Variants in FAT4 observed in about 807,000 individuals in gnomAD.
FAT4 encodes protocadherin Fat 4.
FAT4 carries 84 observed loss-of-function variants against 303.9 expected under a neutral mutation model. That is an observed-to-expected ratio of 0.28 (90% CI 0.23 to 0.33). The LOEUF (loss-of-function observed/expected upper bound fraction) is 0.33, where lower values mean the gene tolerates loss of function less well. FAT4 is among the 10% of genes least tolerant of loss of function. FAT4 has a pLI of 1.00. For synonymous variants in FAT4, 2,307 were observed against 2,298.8 expected (o/e 1.00, Z -0.10); for missense variants, 6,005 against 6,146.8 (o/e 0.98, Z 0.77).
chr4:125,488,393 C>T (rs1396205401), intron 17 of FAT4, among the ~76,000 whole-genome samples: 1 of 152,146 alleles, frequency 6.6e-6, no homozygotes, highest in Non-Finnish European at 1.5e-5. Flanking sequence ...ACAGATCATT[C>T]AGGCTACAGC....
intron 7 of FAT4, among the ~76,000 whole-genome samples, chr4:125,424,566 A>T (rs1282292585): frequency 2.6e-5 from 4 of 152,188 alleles, no homozygotes; most frequent in African/African-American, 9.7e-5. Flanking sequence ...CAGTGAGACT[A>T]TTATACTTCT....
chr4:125,453,365 T>G (rs1275146806), intron 10 of FAT4, among the ~76,000 whole-genome samples: 2 of 152,152 alleles, frequency 1.3e-5, no homozygotes, highest in East Asian at 1.9e-4. Context: ...CGAAATGTGA[T>G]CCACATCGTG....
chr4:125,388,968 G>A (rs1733874111), intron 2 of FAT4, among the ~76,000 whole-genome samples: 2 of 152,146 alleles, frequency 1.3e-5, no homozygotes, highest in African/African-American at 4.8e-5. Context: ...CTGACTGTTA[G>A]AAGAGTTTTA....
rs1727159258 is a variant in FAT4, at chr4:125,479,791, G to A, written c.12530G>A (p.Gly4177Asp). The A allele has an allele frequency of 6.2e-7, 1 of 1,604,624 alleles. No individual in the cohort carries two copies. The change falls in exon 15 of 18, where the codon GGC (glycine) becomes GAC (aspartate). Residue 4177 changes from glycine to aspartate, a missense_variant. Coordinates refer to ENST00000394329, the MANE Select transcript of FAT4 (RefSeq NM_001291303.3). ...ACTCGCAGCCCATGCCAACATGGTG[G>A]CACATGTATGGATTACTGGTCATGG... ...ACTRSPCQHG[G>D]TCMDYWSWQQ...
intron 2 of FAT4, among the ~76,000 whole-genome samples, chr4:125,324,404 G>A (rs1007834896): frequency 6.6e-6 from 1 of 152,134 alleles, no homozygotes; most frequent in Non-Finnish European, 1.5e-5. Context: ...TATAGTAGGT[G>A]CTCCATACAT....
chr4:125,477,221 G>A lies in FAT4; in HGVS notation c.12366G>A (p.Gln4122=). The part of the protein sequence containing the change: ...GGIRSLEPIL[Q]RRGHVESHDF... Reference sequence around the variant, plus strand: ...TCAGATCTCTAGAACCAATCCTTCAGAGAAGAGGACACGTGGAAAGCCATG... The same window carrying A: ...TCAGATCTCTAGAACCAATCCTTCAAAGAAGAGGACACGTGGAAAGCCATG... The change falls in exon 14 of 18, where the codon CAG becomes CAA. Residue 4122 remains glutamine, a synonymous_variant. Coordinates refer to ENST00000394329, the MANE Select transcript of FAT4 (RefSeq NM_001291303.3). 1 of 1,538,972 alleles carries A rather than the reference G, an allele frequency of 6.5e-7. No homozygotes were observed.
In FAT4 at chr4:125,364,979, C is replaced by A. The variant is rs140719375; in HGVS notation, c.5176-33805C>A. On this transcript the variant is annotated intron_variant, in intron 2 of 17. Coordinates refer to ENST00000394329, the MANE Select transcript of FAT4 (RefSeq NM_001291303.3). Reference sequence around the variant, plus strand: ...GAAATTGAGCATGGAGAACTTGGGGCCCTGGACTAACAGTTGATAGTAGAG... The same window carrying A: ...GAAATTGAGCATGGAGAACTTGGGGACCTGGACTAACAGTTGATAGTAGAG... Among the ~76,000 whole-genome samples the A allele has an allele frequency of 3.8e-3, 582 of 152,122 alleles. 3 individuals are homozygous for A. The highest frequency in any genetic ancestry group is 0.013 in the African/African-American group (557 of 41,496).
In FAT4 at chr4:125,321,587, G is replaced by A; in HGVS notation, c.5175+1G>A. 6.3e-7 allele frequency: 1 copy of A among 1,579,436 alleles called. No individual in the cohort carries two copies. The highest frequency in any genetic ancestry group is 8.6e-7 in the Non-Finnish European group (1 of 1,166,254). ...TTTTCCCAGAACACAGAGAGCAGAG[G>A]TAATGATTTTGTAGTCATTTATTAT... On this transcript the variant is annotated splice_donor_variant, in intron 2 of 17. Transcript: ENST00000394329. LOFTEE classifies it high-confidence loss of function.
At position 125,316,216 on chromosome 4, in the gene FAT4, C is replaced by T. The variant is rs764272746; in HGVS notation, c.-12-184C>T. Reference sequence around the variant, plus strand: ...TCGCCACAGCATCTCTCTTGCACTCCGCGTTCAACTGGCTACCTAGAGTCT... The same window carrying T: ...TCGCCACAGCATCTCTCTTGCACTCTGCGTTCAACTGGCTACCTAGAGTCT... On this transcript the variant is annotated intron_variant, in intron 1 of 17. Transcript: ENST00000394329. This position sits in a 1 kb window ranked among gnomAD's most constrained non-coding sequence, Gnocchi z 5.7. Among the ~76,000 whole-genome samples, 1 of 152,190 alleles carries T rather than the reference C, an allele frequency of 6.6e-6. No homozygotes were observed. The highest frequency in any genetic ancestry group is 1.5e-5 in the Non-Finnish European group (1 of 68,034).
intron 7 of FAT4, among the ~76,000 whole-genome samples, chr4:125,426,621 A>G (rs1725097370): frequency 1.3e-5 from 2 of 152,072 alleles, no homozygotes; most frequent in African/African-American, 4.8e-5. Flanking sequence ...ATATTTCTAC[A>G]TAGAATTTTA....
intron 2 of FAT4, among the ~76,000 whole-genome samples, chr4:125,388,112 A>G (rs2126004285): frequency 6.6e-6 from 1 of 152,336 alleles, no homozygotes; most frequent in African/African-American, 2.4e-5. Flanking sequence ...TCTAGTGACC[A>G]TGGCAGAGGT....
chr4:125,319,741 A>G lies in FAT4; in HGVS notation c.3330A>G (p.Glu1110=), dbSNP rs1360624778. The part of the protein sequence containing the change: ...FNSTNYTFYF[E]EEQRAGSFVG... ...GTACCAATTACACATTTTACTTCGA[A>G]GAAGAGCAGAGGGCTGGGTCGTTTG... Residue 1110 remains glutamate (E), a synonymous_variant, in exon 2 of 18, where the codon GAA becomes GAG. Transcript: ENST00000394329. 2.5e-6 allele frequency: 4 copies of G among 1,614,240 alleles called. No homozygotes were observed. Among genetic ancestry groups the G allele is most frequent in the Admixed American group, 1.7e-5 (1 of 60,026 alleles).
In FAT4 at chr4:125,449,941, C is replaced by G; in HGVS notation, c.8931C>G (p.Asp2977Glu). The G allele has an allele frequency of 1.9e-6, 3 of 1,613,740 alleles. No individual in the cohort carries two copies. Among genetic ancestry groups the G allele is most frequent in the Non-Finnish European group, 2.5e-6 (3 of 1,179,856 alleles). The change falls in exon 10 of 18, where the codon GAC (aspartate) becomes GAG (glutamate). Residue 2977 changes from aspartate (D) to glutamate (E), a missense_variant. Coordinates refer to ENST00000394329, the MANE Select transcript of FAT4 (RefSeq NM_001291303.3). ...SETTVTINIV[D>E]SNDNAPQFLK... ...CAACAGTTACCATCAATATAGTGGA[C>G]AGTAATGACAATGCACCTCAATTTC...
chr4:125,446,335 A>C lies in FAT4; in HGVS notation c.7242A>C (p.Pro2414=). 1.9e-6 allele frequency: 3 copies of C among 1,613,324 alleles called. No individual in the cohort carries two copies. Among genetic ancestry groups the C allele is most frequent in the Non-Finnish European group, 2.5e-6 (3 of 1,179,386 alleles). ...IGGNSQFTIN[P]STGQIITSAL... is the part of the protein sequence containing the mutation. ...GAAACTCTCAGTTCACGATCAACCC[A>C]TCGACAGGACAAATCATCACCAGCG... The change falls in exon 9 of 18, where the codon CCA becomes CCC. Residue 2414 remains proline, a synonymous_variant. Coordinates refer to ENST00000394329, the MANE Select transcript of FAT4 (RefSeq NM_001291303.3).
At chr4:125,458,340 G>C (rs1034758025) in intron 10 of FAT4, among the ~76,000 whole-genome samples, 12 of 151,874 alleles carry the variant, frequency 7.9e-5, no homozygotes, top group African/African-American at 2.9e-4. Flanking sequence ...ATTTTACTGA[G>C]AAACTTGCCA....
rs569400385 is a variant in FAT4, at chr4:125,447,438, A to G, written c.7450+895A>G. On this transcript the variant is annotated intron_variant, in intron 9 of 17. Transcript: ENST00000394329. ...TAAATTTATGTGCCAACTTTCTATC[A>G]AAGGAAATGTCAGTATCAAAATGAT... 3.9e-5 allele frequency among the ~76,000 whole-genome samples: 6 copies of G among 152,236 alleles called. No homozygotes were observed. The South Asian group carries it at 1.2e-3, about 32-fold the overall frequency.
chr4:125,479,696 C>G lies in FAT4; in HGVS notation c.12480-45C>G, dbSNP rs747033183. 13 of 1,465,946 alleles carry G rather than the reference C, an allele frequency of 8.9e-6. No homozygotes were observed. In the South Asian group the frequency reaches 1.6e-4, roughly 19 times the overall value. 90.8% of individuals were successfully genotyped at this position (1,465,946 alleles called of 1,614,324 possible). A position where few individuals can be genotyped will look rare whatever the true frequency, so the allele number is the denominator to read the frequency against. The stretch of plus-strand genomic sequence containing the variant: ...TATATTGAGTTTTAGCAAACTTCTC[C>G]TCATCTTTTATGTGCGTTATTGTTC... On this transcript the variant is annotated intron_variant, in intron 14 of 17. Coordinates refer to ENST00000394329, the MANE Select transcript of FAT4 (RefSeq NM_001291303.3).
chr4:125,483,465 G>A (rs1420388922), intron 16 of FAT4, among the ~76,000 whole-genome samples: 1 of 152,068 alleles, frequency 6.6e-6, no homozygotes, highest in Non-Finnish European at 1.5e-5. Context: ...AAGGAATTCA[G>A]TCAAAATACA....
chr4:125,377,130 T>C (rs1253353189), intron 2 of FAT4, among the ~76,000 whole-genome samples: 1 of 152,150 alleles, frequency 6.6e-6, no homozygotes, highest in Non-Finnish European at 1.5e-5. Flanking sequence ...ATGACACAGA[T>C]GTCATAGACC....
Sources: allele counts gnomAD v4.1 joint callset (sites outside exome capture counted in the v4.1 genomes callset), GRCh38; gene constraint gnomAD v4.1.1; non-coding constraint Gnocchi (gnomAD v3.1); transcripts MANE v1.5; gene names NCBI Gene and HGNC (gene_info 2026-07-23, HGNC 2026-07-21).